Variants in TMEM184C observed in about 807,000 individuals in gnomAD.
TMEM184C encodes transmembrane protein 184C.
TMEM184C carries 25 observed loss-of-function variants against 54.5 expected under a neutral mutation model. That is an observed-to-expected ratio of 0.46 (90% CI 0.33 to 0.64). TMEM184C has a LOEUF of 0.64. Among genes scored for constraint, TMEM184C ranks in the 30% least tolerant of loss-of-function variants. The pLI is 0.02. For missense variants in TMEM184C, 335 were observed against 520.3 expected (o/e 0.64, Z 3.46); for synonymous variants, 148 against 181.5 (o/e 0.82, Z 1.49).
intron 1 of TMEM184C, among the ~76,000 whole-genome samples, chr4:147,621,521 TA>T (rs1289884044): frequency 6.6e-6 from 1 of 152,172 alleles, no homozygotes; most frequent in Admixed American, 6.5e-5. Context: ...AACATAAAAT[TA>T]AAAAATTATA....
At chr4:147,623,176 G>A (rs550112937) in intron 1 of TMEM184C, among the ~76,000 whole-genome samples, 14 of 152,272 alleles carry the variant, frequency 9.2e-5, no homozygotes, top group African/African-American at 3.4e-4. Context: ...GCCGTGCACG[G>A]TGGCTCATGC....
chr4:147,630,685 T>C (rs1732901283), intron 6 of TMEM184C, among the ~76,000 whole-genome samples: 1 of 152,076 alleles, frequency 6.6e-6, no homozygotes, highest in African/African-American at 2.4e-5. Flanking sequence ...ATTTAAAAAC[T>C]GGCTTATGTG....
At chr4:147,624,263 AT>A (rs1209707639) in intron 3 of TMEM184C, among the ~76,000 whole-genome samples, 165 bp downstream of exon 3, 5 of 152,186 alleles carry the variant, frequency 3.3e-5, no homozygotes, top group Non-Finnish European at 7.4e-5. Context: ...ATAATTAAAA[AT>A]GTAAAATGTT....
At chr4:147,633,387 G>C (rs1051321622) in intron 8 of TMEM184C, among the ~76,000 whole-genome samples, 1 of 150,570 alleles carries the variant, frequency 6.6e-6, no homozygotes, top group Admixed American at 6.7e-5. Context: ...ACTGGACCAG[G>C]CATTCGAGAT....
Position 147,634,492 on chromosome 4 carries a change from T to C in TMEM184C, c.*58T>C. 2 of 1,562,414 alleles carry C rather than the reference T, an allele frequency of 1.3e-6. No homozygotes were observed. The highest frequency in any genetic ancestry group is 8.7e-7 in the Non-Finnish European group (1 of 1,151,618). On this transcript the variant is annotated 3_prime_UTR_variant, in exon 10 of 10. Coordinates refer to ENST00000296582, the MANE Select transcript of TMEM184C (RefSeq NM_018241.3). ...CATTATATCATTACCTGGTATCCCATGGATTTTGTGCTTGGGACAGACCAT... is the reference window on the plus strand; with the variant it reads ...CATTATATCATTACCTGGTATCCCACGGATTTTGTGCTTGGGACAGACCAT...
At chr4:147,631,137 G>A (rs561337309) in intron 6 of TMEM184C, among the ~76,000 whole-genome samples, 15 of 152,186 alleles carry the variant, frequency 9.9e-5, no homozygotes, top group South Asian at 2.1e-4. Flanking sequence ...TTCCATTTAT[G>A]TCAATCATTT....
intron 7 of TMEM184C, chr4:147,632,647 T>G (rs570825363): frequency 2.5e-6 from 1 of 396,924 alleles, no homozygotes; most frequent in African/African-American, 2.0e-5. Flanking sequence ...GTTTAAATTT[T>G]ACCTGGGGCC....
Position 147,624,083 on chromosome 4 carries a change from T to G in TMEM184C, c.276T>G (p.Ile92Met). 1.2e-6 allele frequency: 2 copies of G among 1,603,876 alleles called. No homozygotes were observed. Among genetic ancestry groups the G allele is most frequent in the Non-Finnish European group, 1.7e-6 (2 of 1,171,970 alleles). Residue 92 changes from isoleucine (I) to methionine (M), a missense_variant, in exon 3 of 10, where the codon ATT (isoleucine) becomes ATG (methionine). Transcript: ENST00000296582. Reference sequence around the variant, plus strand: ...ATAGGATTCTTTGGATGGTACCTATTTACAGTTTAGATAGTGTAAGTATGT... The same window carrying G: ...ATAGGATTCTTTGGATGGTACCTATGTACAGTTTAGATAGTGTAAGTATGT... ...PIIRILWMVP[I>M]YSLDSWIALK...
Position 147,618,098 on chromosome 4 carries a change from A to G in TMEM184C, c.123+19A>G. On this transcript the variant is annotated intron_variant, in intron 1 of 9. Transcript: ENST00000296582. ...ACTGGAGGTAAGAGGGTTCTGCACCATCAGCCTGTACACTTTCTTCTACCC... is the reference window on the plus strand; with the variant it reads ...ACTGGAGGTAAGAGGGTTCTGCACCGTCAGCCTGTACACTTTCTTCTACCC... The G allele has an allele frequency of 6.2e-7, 1 of 1,613,828 alleles. No homozygotes were observed. Among genetic ancestry groups the G allele is most frequent in the South Asian group, 1.1e-5 (1 of 91,068 alleles).
rs578210365 is a variant in TMEM184C, at chr4:147,624,745, G to C, written c.292-59G>C. ...TAGCTTATTGTGAGTACCATGAATG[G>C]AGTGGTGATTCATTTTATCTTAGCT... On this transcript the variant is annotated intron_variant, in intron 3 of 9. Transcript: ENST00000296582. 34 of 1,511,662 alleles carry C rather than the reference G, an allele frequency of 2.2e-5. No individual in the cohort carries two copies. In the East Asian group the frequency reaches 5.2e-4, roughly 23 times the overall value. The allele number at this position is 1,511,662 out of a possible 1,614,324, so 93.6% of individuals were successfully genotyped here.
intron 3 of TMEM184C, 149 bp from the exon 4 acceptor site, chr4:147,624,655 C>G: frequency 1.5e-6 from 1 of 666,556 alleles, no homozygotes; most frequent in Non-Finnish European, 2.5e-6. Context: ...ATTGATAGCC[C>G]TCATAATGAT....
intron 1 of TMEM184C, among the ~76,000 whole-genome samples, 181 bp downstream of exon 1, chr4:147,618,260 G>C (rs1473553181): frequency 1.3e-5 from 2 of 152,188 alleles, no homozygotes; most frequent in African/African-American, 4.8e-5. Context: ...TCATGCTACA[G>C]GTGGAGGTGG....
chr4:147,622,751 G>T (rs1732735862), intron 1 of TMEM184C, among the ~76,000 whole-genome samples: 1 of 152,094 alleles, frequency 6.6e-6, no homozygotes, highest in Admixed American at 6.6e-5. Flanking sequence ...GTAAGACTTT[G>T]TATTAGCTTT....
intron 1 of TMEM184C, among the ~76,000 whole-genome samples, chr4:147,620,041 C>A (rs941387126): frequency 2.0e-5 from 3 of 152,230 alleles, no homozygotes; most frequent in Non-Finnish European, 4.4e-5. Context: ...AAATCCCAGG[C>A]ATGCTCCCTC....
intron 1 of TMEM184C, among the ~76,000 whole-genome samples, chr4:147,618,292 T>C (rs1465621332): frequency 6.6e-6 from 1 of 152,240 alleles, no homozygotes. Flanking sequence ...GAAAATAGAA[T>C]ATATTAATAT....
In TMEM184C at chr4:147,634,424, T is replaced by TG; in HGVS notation, c.1309dup (p.Asp437GlyfsTer33). ...AAAAAAGAACCTTCAGATAAATCCG[T>TG]GGATTCCTGAACAGTATGGAAAAGC... On this transcript the variant is annotated frameshift_variant, in exon 10 of 10. Coordinates refer to ENST00000296582, the MANE Select transcript of TMEM184C (RefSeq NM_018241.3). LOFTEE classifies it high-confidence loss of function. 1 of 1,613,932 alleles carries TG rather than the reference T, an allele frequency of 6.2e-7. No individual in the cohort carries two copies. Among genetic ancestry groups the TG allele is most frequent in the Non-Finnish European group, 8.5e-7 (1 of 1,179,946 alleles).
intron 8 of TMEM184C, 23 bp downstream of exon 8, chr4:147,633,025 T>G: frequency 1.3e-6 from 2 of 1,587,014 alleles, no homozygotes; most frequent in Non-Finnish European, 1.7e-6. Flanking sequence ...ATCTCTGAAT[T>G]CAATAGAACT....
intron 7 of TMEM184C, 186 bp from the exon 8 acceptor site, chr4:147,632,717 T>A: frequency 1.9e-6 from 1 of 517,686 alleles, no homozygotes; most frequent in Non-Finnish European, 3.4e-6. Context: ...ACAAAACTAC[T>A]AGAAAAATGA....
intron 8 of TMEM184C, among the ~76,000 whole-genome samples, chr4:147,633,558 C>A (rs1033063155): frequency 1.3e-5 from 2 of 151,910 alleles, no homozygotes; most frequent in Non-Finnish European, 2.9e-5. Flanking sequence ...TGAGGAAGTG[C>A]AAAATAGATT....
Sources: allele counts gnomAD v4.1 joint callset (sites outside exome capture counted in the v4.1 genomes callset), GRCh38; gene constraint gnomAD v4.1.1; transcripts MANE v1.5; gene names NCBI Gene and HGNC (gene_info 2026-07-23, HGNC 2026-07-21).